The following VSNL1 variants were observed in gnomAD, a reference collection of about 807,000 sequenced individuals.
VSNL1 encodes the protein visinin like 1.
In VSNL1, 6 loss-of-function variants were observed where a neutral mutation model predicts 20.4. The ratio of observed to expected loss-of-function variants is 0.29; its 90% CI spans 0.16 to 0.58. VSNL1 has a LOEUF of 0.58. Ranked by LOEUF, VSNL1 falls within the 20% of genes least tolerant of loss-of-function variation. VSNL1 has a pLI of 0.90. For synonymous variants in VSNL1, 93 were observed against 86.4 expected (o/e 1.08, Z -0.42); for missense variants, 100 against 234.5 (o/e 0.43, Z 3.75).
At chr2:17,616,597 C>A (rs567079168) in intron 2 of VSNL1, among the ~76,000 whole-genome samples, 1 of 152,316 alleles carries the variant, frequency 6.6e-6, no homozygotes, top group African/African-American at 2.4e-5. Context: ...AGCTTGGCCA[C>A]CCACAGTGAG....
At chr2:17,627,093 T>G (rs1665527915) in intron 2 of VSNL1, among the ~76,000 whole-genome samples, 1 of 152,120 alleles carries the variant, frequency 6.6e-6, no homozygotes, top group Non-Finnish European at 1.5e-5. Flanking sequence ...TAAATGCAAA[T>G]CCACGCCAAG....
intron 2 of VSNL1, among the ~76,000 whole-genome samples, chr2:17,632,438 T>C (rs538289531): frequency 3.9e-5 from 6 of 152,198 alleles, no homozygotes; most frequent in South Asian, 2.1e-4. Flanking sequence ...GTAGCTGGGA[T>C]TACAGGCATG....
intron 1 of VSNL1, among the ~76,000 whole-genome samples, chr2:17,586,859 T>C (rs1010396352): frequency 1.3e-5 from 2 of 151,988 alleles, no homozygotes; most frequent in African/African-American, 2.4e-5. Context: ...TTTAGATAGA[T>C]GGAGGAAAAA....
chr2:17,543,543 C>T (rs1406642852), intron 1 of VSNL1, among the ~76,000 whole-genome samples: 2 of 152,190 alleles, frequency 1.3e-5, no homozygotes, highest in Admixed American at 1.3e-4. Context: ...TTAGAGATGC[C>T]TGTCTCCAGC....
At chr2:17,604,106 C>T (rs936043609) in intron 2 of VSNL1, among the ~76,000 whole-genome samples, 1 of 152,194 alleles carries the variant, frequency 6.6e-6, no homozygotes, top group Non-Finnish European at 1.5e-5. Flanking sequence ...GAGCTGCGGC[C>T]TTGGGAGCTC....
intron 1 of VSNL1, among the ~76,000 whole-genome samples, chr2:17,586,573 T>C (rs1664478809): frequency 6.6e-6 from 1 of 152,230 alleles, no homozygotes; most frequent in African/African-American, 2.4e-5. Flanking sequence ...AAATGTCTCC[T>C]GCATCCAGGT....
chr2:17,582,840 A>G (rs1382278720), intron 1 of VSNL1, among the ~76,000 whole-genome samples: 2 of 151,874 alleles, frequency 1.3e-5, no homozygotes, highest in Non-Finnish European at 2.9e-5. Context: ...CCTCCCCTAA[A>G]GACCTGGAAA....
rs1000161858 is a variant in VSNL1, at chr2:17,649,966, A to T, written c.378+341A>T. Among the ~76,000 whole-genome samples the T allele has an allele frequency of 5.1e-4, 77 of 152,166 alleles. No homozygotes were observed. The highest frequency in any genetic ancestry group is 2.0e-3 in the Admixed American group (30 of 15,280). On this transcript the variant is annotated intron_variant, in intron 3 of 3. Coordinates refer to ENST00000295156, the MANE Select transcript of VSNL1 (RefSeq NM_003385.5). This position sits in a 1 kb window ranked among gnomAD's most constrained non-coding sequence, Gnocchi z 6.4. Reference sequence around the variant, plus strand: ...GCTCTGCCTCACTCCAGCTGCGCCTAGTGGGGACCCGAGGCTGTCAGGGGC... The same window carrying T: ...GCTCTGCCTCACTCCAGCTGCGCCTTGTGGGGACCCGAGGCTGTCAGGGGC...
chr2:17,544,466 A>G (rs1663364185), intron 1 of VSNL1, among the ~76,000 whole-genome samples: 1 of 152,162 alleles, frequency 6.6e-6, no homozygotes, highest in African/African-American at 2.4e-5. Flanking sequence ...CTACACTGTG[A>G]ATCACCTCCC....
At chr2:17,586,214 G>A (rs930178841) in intron 1 of VSNL1, among the ~76,000 whole-genome samples, 7 of 152,218 alleles carry the variant, frequency 4.6e-5, no homozygotes, top group Non-Finnish European at 8.8e-5. Flanking sequence ...GGTTATGTCT[G>A]TGCTGGTTTG....
In VSNL1 at chr2:17,649,684, TC is replaced by T. The variant is rs1666082719; in HGVS notation, c.378+61del. The stretch of plus-strand genomic sequence containing the variant: ...CACAGAAGGAGACCCCACGGCAGCC[TC>T]CTAGGTGCAGGCCTTAGTGGCTTCT... On this transcript the variant is annotated intron_variant, in intron 3 of 3. Coordinates refer to ENST00000295156, the MANE Select transcript of VSNL1 (RefSeq NM_003385.5). This position sits in a 1 kb window ranked among gnomAD's most constrained non-coding sequence, Gnocchi z 6.4. The T allele has an allele frequency of 6.5e-7, 1 of 1,548,002 alleles. No individual in the cohort carries two copies. Among genetic ancestry groups the T allele is most frequent in the Non-Finnish European group, 8.9e-7 (1 of 1,125,164 alleles).
chr2:17,584,820 T>C (rs1283076964), intron 1 of VSNL1, among the ~76,000 whole-genome samples: 2 of 152,010 alleles, frequency 1.3e-5, no homozygotes, highest in Non-Finnish European at 2.9e-5. Context: ...ACTTGGTAGC[T>C]AGGGCATGGC....
At position 17,638,065 on chromosome 2, in the gene VSNL1, C is replaced by A. The variant is rs377362835; in HGVS notation, c.163-11345C>A. 3.3e-5 allele frequency among the ~76,000 whole-genome samples: 5 copies of A among 152,154 alleles called. No homozygotes were observed. In the East Asian group the frequency reaches 9.6e-4, roughly 29 times the overall value. On this transcript the variant is annotated intron_variant, in intron 2 of 3. Coordinates refer to ENST00000295156, the MANE Select transcript of VSNL1 (RefSeq NM_003385.5). ...CACTAGAATGCATGCAGATGTGATA[C>A]TAGTAGTAGAATTGAGATGTTGCCC...
At chr2:17,565,183 A>G (rs1338488141) in intron 1 of VSNL1, among the ~76,000 whole-genome samples, 1 of 152,210 alleles carries the variant, frequency 6.6e-6, no homozygotes, top group Non-Finnish European at 1.5e-5. Flanking sequence ...TAAAGTACCT[A>G]GGACAATGTT....
chr2:17,620,430 C>T (rs1483941902), intron 2 of VSNL1, among the ~76,000 whole-genome samples: 2 of 152,148 alleles, frequency 1.3e-5, no homozygotes, highest in East Asian at 3.9e-4. Context: ...TGGAGGGTAT[C>T]CAGATGGGAG....
Position 17,655,058 on chromosome 2 carries a change from A to T in VSNL1, c.379-139A>T, listed in dbSNP as rs1666197546. 1 of 760,168 alleles carries T rather than the reference A, an allele frequency of 1.3e-6. No homozygotes were observed. The highest frequency in any genetic ancestry group is 3.9e-4 in the Middle Eastern group (1 of 2,580). The allele number at this position is 760,168 out of a possible 1,614,324, so 47.1% of individuals were successfully genotyped here. A position where few individuals can be genotyped will look rare whatever the true frequency, so the allele number is the denominator to read the frequency against. On this transcript the variant is annotated intron_variant, in intron 3 of 3. Coordinates refer to ENST00000295156, the MANE Select transcript of VSNL1 (RefSeq NM_003385.5). The surrounding 1 kb of genome is among the most constrained non-coding windows in gnomAD (Gnocchi z 5.2). ...GGTTGTCACAGAAACTTGCAGCACA[A>T]GGAGTGAAACTCCTCTGGGGAAAGG...
intron 2 of VSNL1, among the ~76,000 whole-genome samples, chr2:17,622,054 T>G (rs1006835352): frequency 2.6e-5 from 4 of 152,066 alleles, no homozygotes; most frequent in African/African-American, 4.8e-5. Context: ...ATGTCCTCAT[T>G]CTCCTCAATT....
intron 1 of VSNL1, among the ~76,000 whole-genome samples, chr2:17,551,413 A>G (rs1225333816): frequency 1.3e-5 from 2 of 152,224 alleles, no homozygotes; most frequent in Non-Finnish European, 2.9e-5. Context: ...TCTGGTACCT[A>G]CAAGTGACAG....
chr2:17,546,429 A>G (rs1186107227), intron 1 of VSNL1, among the ~76,000 whole-genome samples: 3 of 151,670 alleles, frequency 2.0e-5, no homozygotes, highest in Admixed American at 1.3e-4. Context: ...TTGGCAAATC[A>G]TTAACATGTT....
Sources: gnomAD v4.1 joint callset for allele counts (sites outside exome capture counted in the v4.1 genomes callset) on GRCh38, gnomAD v4.1.1 for gene constraint, Gnocchi (gnomAD v3.1) non-coding constraint, MANE v1.5 for transcripts, NCBI Gene and HGNC (gene_info 2026-07-23, HGNC 2026-07-21) for gene names.